APPBP2: variants seen among roughly 807,000 people sequenced by gnomAD.
The protein encoded by APPBP2 is amyloid beta precursor protein binding protein 2.
A neutral mutation model predicts 76.0 loss-of-function variants in APPBP2; 15 were observed. The observed-to-expected ratio is 0.20, with a 90% CI of 0.13 to 0.30. APPBP2 has a LOEUF of 0.30. Among genes scored for constraint, APPBP2 ranks in the 10% least tolerant of loss-of-function variants. APPBP2 has a pLI of 1.00. For missense variants in APPBP2, 401 were observed against 687.2 expected, an observed-to-expected ratio of 0.58 and a Z score of 4.66; for synonymous variants, 222 against 242.2, an observed-to-expected ratio of 0.92 and a Z score of 0.77.
In APPBP2 at chr17:60,479,221, G is replaced by C; in HGVS notation, c.430C>G (p.Leu144Val). 1.9e-6 allele frequency: 3 copies of C among 1,613,680 alleles called. No homozygotes were observed. The highest frequency in any genetic ancestry group is 1.7e-6 in the Non-Finnish European group (2 of 1,179,818). Residue 144 changes from leucine (L) to valine (V), a missense_variant, in exon 4 of 13, where the codon CTG becomes GTG. Leu to Val is a conservative substitution (Grantham distance 32). Around this residue, in one of 5 missense-constraint regions of APPBP2, gnomAD observed 149 missense variants for 198.4 expected, o/e 0.75. Transcript: ENST00000083182. ...AGAGTACACAACTGAAGGCAGGACA[G>C]AAAAACTTTCTCAGCATCACTGTAC... The part of the protein sequence containing the change: ...GWYSDAEKVF[L>V]SCLQLCTLHD...
rs545920167 is a variant in APPBP2 at position 60,482,639 on chromosome 17, G to A, written c.380-3368C>T. ...GTGAGGTTCCCTGCCCTGTGTCCAAGTGTTCTCATTGTTCAATTCCCACCT... is the reference window on the plus strand; with the variant it reads ...GTGAGGTTCCCTGCCCTGTGTCCAAATGTTCTCATTGTTCAATTCCCACCT... On this transcript the variant is annotated intron_variant, in intron 3 of 12. Transcript: ENST00000083182. Among the ~76,000 whole-genome samples, 49 of 152,252 alleles carry A rather than the reference G, an allele frequency of 3.2e-4. No homozygotes were observed. In the South Asian group the frequency reaches 3.3e-3, roughly 10 times the overall value.
intron 5 of APPBP2, 63 bp downstream of exon 5, chr17:60,466,228 G>C: frequency 6.9e-7 from 1 of 1,449,710 alleles, no homozygotes; most frequent in Non-Finnish European, 9.5e-7. Flanking sequence ...AAGACTATTT[G>C]ATTTACCCTC....
At chr17:60,450,180 TGTAATCCCAGCACTCTGGGAGGCCAA>T (rs367723351) in intron 12 of APPBP2, among the ~76,000 whole-genome samples, 2,355 of 151,840 alleles carry the variant, frequency 0.016, 61 homozygotes, top group African/African-American at 0.052. Context: ...TCATGAGGCC[TGTAATCCCAGCACTCTGGGAGGCCAA>T]GGCAGGCAGA....
At chr17:60,521,293 T>C (rs915711798) in intron 1 of APPBP2, among the ~76,000 whole-genome samples, 1 of 152,240 alleles carries the variant, frequency 6.6e-6, no homozygotes, top group Non-Finnish European at 1.5e-5. Flanking sequence ...AGAGACATTG[T>C]AGTTGAATTA....
intron 1 of APPBP2, among the ~76,000 whole-genome samples, chr17:60,501,623 C>T (rs1192684328): frequency 6.6e-6 from 1 of 152,000 alleles, no homozygotes; most frequent in Non-Finnish European, 1.5e-5. Flanking sequence ...GTCTTGAACT[C>T]CTGACCTCAA....
intron 4 of APPBP2, among the ~76,000 whole-genome samples, chr17:60,476,767 A>C (rs534008586): frequency 1.3e-5 from 2 of 152,128 alleles, no homozygotes; most frequent in Non-Finnish European, 2.9e-5. Flanking sequence ...TTATTTTAAA[A>C]TTTTTTATAG....
chr17:60,521,745 A>G (rs2091011529), intron 1 of APPBP2, among the ~76,000 whole-genome samples: 1 of 152,150 alleles, frequency 6.6e-6, no homozygotes, highest in Non-Finnish European at 1.5e-5. Flanking sequence ...GAGACCCAAC[A>G]GAAATTCGTT....
intron 1 of APPBP2, among the ~76,000 whole-genome samples, chr17:60,515,466 A>G (rs1007624387): frequency 6.6e-6 from 1 of 152,208 alleles, no homozygotes; most frequent in South Asian, 2.1e-4. Flanking sequence ...AAGAGCGCAC[A>G]ACTCATATTT....
At chr17:60,470,879 C>T (rs1176698948) in intron 4 of APPBP2, among the ~76,000 whole-genome samples, 1 of 152,014 alleles carries the variant, frequency 6.6e-6, no homozygotes, top group African/African-American at 2.4e-5. Context: ...CAACCTCTGC[C>T]TCCTGGGTTC....
At chr17:60,525,657 G>C in intron 1 of APPBP2, 137 bp downstream of exon 1, 1 of 1,354,156 alleles carries the variant, frequency 7.4e-7, no homozygotes, top group East Asian at 2.4e-5. Flanking sequence ...TGGCAATGCA[G>C]ACACCGCACC....
At chr17:60,522,516 G>T (rs2091017859) in intron 1 of APPBP2, among the ~76,000 whole-genome samples, 1 of 151,900 alleles carries the variant, frequency 6.6e-6, no homozygotes, top group Non-Finnish European at 1.5e-5. Context: ...GTAGAGAAGG[G>T]GTCTATGTTG....
At chr17:60,455,578 A>C (rs181516916) in intron 10 of APPBP2, among the ~76,000 whole-genome samples, 1 of 152,346 alleles carries the variant, frequency 6.6e-6, no homozygotes, top group Non-Finnish European at 1.5e-5. Context: ...GGTATTTTGC[A>C]AGAGCCTTGC....
intron 8 of APPBP2, chr17:60,461,017 T>G: frequency 4.1e-6 from 1 of 246,842 alleles, no homozygotes; most frequent in African/African-American, 2.2e-5. Flanking sequence ...ATAATAATAA[T>G]AATCATTCCT....
rs1449812787 is a variant in APPBP2 at position 60,456,358 on chromosome 17, C to T, written c.1085G>A (p.Gly362Asp). The T allele has an allele frequency of 1.9e-6, 3 of 1,608,984 alleles. No homozygotes were observed. Among genetic ancestry groups the T allele is most frequent in the East Asian group, 2.2e-5 (1 of 44,788 alleles). The change falls in exon 10 of 13, where the codon GGT becomes GAT. Residue 362 changes from glycine to aspartate, a missense_variant. Gly to Asp is a moderately conservative substitution (Grantham distance 94). Coordinates refer to ENST00000083182, the MANE Select transcript of APPBP2 (RefSeq NM_006380.5). ...TTCAGGTAGGATGTGGGTAATGATA[C>T]CAATAGCTCTTTCTGCATGAAATCT... is the stretch of plus-strand genomic sequence containing the variant. ...NALFHAERAI[G>D]IITHILPEDH...
chr17:60,460,061 A>G (rs1383069799), intron 9 of APPBP2: 1 of 152,226 alleles, frequency 6.6e-6, no homozygotes, highest in Non-Finnish European at 1.5e-5. Flanking sequence ...AGAAGTTTTT[A>G]GGTTATTAAG....
Position 60,526,070 on chromosome 17 carries a change from C to T in APPBP2, c.-139G>A. The T allele has an allele frequency of 1.3e-6, 1 of 770,814 alleles. No homozygotes were observed. Among genetic ancestry groups the T allele is most frequent in the South Asian group, 1.9e-5 (1 of 53,982 alleles). The allele number at this position is 770,814 out of a possible 1,614,324, so 47.7% of individuals were successfully genotyped here. ...GCGGGCGCACGGCAGAAGGCACGGCCGCCCTGCCTCCTCCGGGGGCAAACT... is the reference window on the plus strand; with the variant it reads ...GCGGGCGCACGGCAGAAGGCACGGCTGCCCTGCCTCCTCCGGGGGCAAACT... On this transcript the variant is annotated 5_prime_UTR_variant, in exon 1 of 13. Coordinates refer to ENST00000083182, the MANE Select transcript of APPBP2 (RefSeq NM_006380.5).
intron 1 of APPBP2, among the ~76,000 whole-genome samples, chr17:60,508,913 ACT>A (rs2143476423): frequency 6.6e-6 from 1 of 152,310 alleles, no homozygotes; most frequent in East Asian, 1.9e-4. Flanking sequence ...ACTTCAGGAA[ACT>A]CTTTAAAGTC....
intron 4 of APPBP2, 33 bp from the exon 5 acceptor site, chr17:60,466,492 G>T (rs757820710): frequency 5.6e-6 from 9 of 1,596,014 alleles, no homozygotes; most frequent in South Asian, 2.2e-5. Context: ...CTCTATTTTT[G>T]ATATTTTCAG....
intron 1 of APPBP2, among the ~76,000 whole-genome samples, chr17:60,501,649 A>C (rs1488707859): frequency 6.6e-6 from 1 of 152,078 alleles, no homozygotes; most frequent in Non-Finnish European, 1.5e-5. Flanking sequence ...AATGCTTCTA[A>C]ATTTACACAT....
Sources: allele counts gnomAD v4.1 joint callset (sites outside exome capture counted in the v4.1 genomes callset), GRCh38; gene constraint gnomAD v4.1.1; regional missense constraint gnomAD v4.1.1; transcripts MANE v1.5; gene names NCBI Gene and HGNC (gene_info 2026-07-23, HGNC 2026-07-21).